Variants in LSM12 observed in about 807,000 individuals in gnomAD.
LSM12 encodes the protein LSM12 homolog.
For synonymous variants in LSM12, 74 were observed against 87.3 expected (o/e 0.85, Z 0.85); for missense variants, 108 against 238.9 (o/e 0.45, Z 3.61).
chr17:44,057,934 T>C (rs2049739865), intron 2 of LSM12, among the ~76,000 whole-genome samples: 1 of 121,068 alleles, frequency 8.3e-6, no homozygotes, highest in African/African-American at 2.8e-5. Flanking sequence ...GAGCATTAGT[T>C]AGCTACAATA....
chr17:44,049,278 T>A (rs1341566386), intron 2 of LSM12, among the ~76,000 whole-genome samples: 2 of 152,088 alleles, frequency 1.3e-5, no homozygotes, highest in East Asian at 3.8e-4. Context: ...TATTTTTGTT[T>A]GTTTGTTTTT....
intron 2 of LSM12, among the ~76,000 whole-genome samples, chr17:44,041,286 A>AC (rs1555623711): frequency 6.3e-4 from 72 of 113,550 alleles, no homozygotes; most frequent in Non-Finnish European, 1.1e-3. Context: ...AAAAAAAAAA[A>AC]ACAAACACAC....
intron 2 of LSM12, among the ~76,000 whole-genome samples, chr17:44,053,968 CTTGTT>C (rs2049678496): frequency 6.6e-6 from 1 of 152,138 alleles, no homozygotes; most frequent in South Asian, 2.1e-4. Context: ...CCCTAATGTC[CTTGTT>C]TTGAACTGTC....
In LSM12 at chr17:44,034,868, G is replaced by C. The variant is rs1208204140; in HGVS notation, c.*1340C>G. The C allele has an allele frequency of 2.5e-4, 19 of 74,954 alleles. No individual in the cohort carries two copies. The highest frequency in any genetic ancestry group is 3.9e-4 in the Non-Finnish European group (15 of 38,382). 4.6% of individuals were successfully genotyped at this position (74,954 alleles called of 1,614,324 possible). A position where few individuals can be genotyped will look rare whatever the true frequency, so the allele number is the denominator to read the frequency against. Reference sequence around the variant, plus strand: ...CATCCCACTCAGTGCCTGATATTCGGATGGTGGCATACTCTGCCCCAGGAG... The same window carrying C: ...CATCCCACTCAGTGCCTGATATTCGCATGGTGGCATACTCTGCCCCAGGAG... On this transcript the variant is annotated 3_prime_UTR_variant, in exon 5 of 5. Transcript: ENST00000293406.
intron 2 of LSM12, among the ~76,000 whole-genome samples, chr17:44,046,693 G>C (rs968849485): frequency 1.3e-4 from 17 of 127,414 alleles, no homozygotes; most frequent in East Asian, 5.6e-4. Flanking sequence ...CTGGGCAACA[G>C]AGCCAGACTC....
chr17:44,047,991 T>C (rs1326965086), intron 2 of LSM12, among the ~76,000 whole-genome samples: 1 of 149,346 alleles, frequency 6.7e-6, no homozygotes, highest in Non-Finnish European at 1.5e-5. Flanking sequence ...AAGACCAGTG[T>C]GGACAACATA....
Position 44,066,645 on chromosome 17 carries a change from C to T in LSM12, c.-58G>A. ...CGGCAGCAGCGGGCGAAAGCCGGGC[C>T]CCCAGTGAGCGCCGCGACGCGACGG... On this transcript the variant is annotated 5_prime_UTR_variant, in exon 1 of 5. Transcript: ENST00000293406. The T allele has an allele frequency of 3.1e-6, 4 of 1,282,370 alleles. No homozygotes were observed. Among genetic ancestry groups the T allele is most frequent in the Non-Finnish European group, 4.0e-6 (4 of 1,011,430 alleles). The allele number at this position is 1,282,370 out of a possible 1,614,324, so 79.4% of individuals were successfully genotyped here.
At chr17:44,067,462 G>A (rs1010545072), upstream of LSM12, 1 of 152,198 alleles carries the variant, frequency 6.6e-6, no homozygotes, top group Non-Finnish European at 1.5e-5. Flanking sequence ...TTTCTTCATA[G>A]GCATTTGTAT....
chr17:44,043,903 T>C (rs1461902201), intron 2 of LSM12, among the ~76,000 whole-genome samples: 1 of 152,042 alleles, frequency 6.6e-6, no homozygotes, highest in Non-Finnish European at 1.5e-5. Context: ...GGCGGGCATT[T>C]ACCTTATAAG....
At chr17:44,055,610 G>A (rs1204110359) in intron 2 of LSM12, among the ~76,000 whole-genome samples, 1 of 149,622 alleles carries the variant, frequency 6.7e-6, no homozygotes, top group Non-Finnish European at 1.5e-5. Flanking sequence ...ACAGGAGGTA[G>A]AGGTTGCAGT....
intron 2 of LSM12, among the ~76,000 whole-genome samples, chr17:44,049,279 G>GTT (rs1217400796): frequency 1.3e-5 from 2 of 152,072 alleles, no homozygotes; most frequent in African/African-American, 4.8e-5. Context: ...ATTTTTGTTT[G>GTT]TTTGTTTTTG....
chr17:44,039,210 A>C (rs962221775), intron 3 of LSM12, among the ~76,000 whole-genome samples: 1 of 151,664 alleles, frequency 6.6e-6, no homozygotes, highest in Non-Finnish European at 1.5e-5. Context: ...ATGCACCACC[A>C]CGCCTGGCTA....
At chr17:44,041,546 T>C (rs2049494931) in intron 2 of LSM12, among the ~76,000 whole-genome samples, 1 of 152,202 alleles carries the variant, frequency 6.6e-6, no homozygotes, top group Admixed American at 6.5e-5. Context: ...CCTTTAACTT[T>C]AGCTAAAGGC....
intron 2 of LSM12, among the ~76,000 whole-genome samples, chr17:44,041,646 C>T (rs2049496351): frequency 2.0e-5 from 3 of 152,152 alleles, no homozygotes; most frequent in Non-Finnish European, 4.4e-5. Context: ...CATCCACAAA[C>T]TGATCAAAAG....
intron 2 of LSM12, among the ~76,000 whole-genome samples, chr17:44,052,118 A>G (rs1163018209): frequency 6.6e-6 from 1 of 152,000 alleles, no homozygotes; most frequent in Non-Finnish European, 1.5e-5. Flanking sequence ...AAAAAATTTA[A>G]AAAGTTTAAA....
At chr17:44,036,417 GCA>G in intron 4 of LSM12, 117 bp from the exon 5 acceptor site, 1 of 1,354,468 alleles carries the variant, frequency 7.4e-7, no homozygotes, top group South Asian at 1.3e-5. Flanking sequence ...TGGTGTCCAG[GCA>G]CCTTTGCCCT....
chr17:44,047,832 C>G (rs1323600647), intron 2 of LSM12, among the ~76,000 whole-genome samples: 1 of 151,854 alleles, frequency 6.6e-6, no homozygotes, highest in East Asian at 1.9e-4. Flanking sequence ...ATCCTCCCAC[C>G]TCAGCCTCCC....
intron 2 of LSM12, among the ~76,000 whole-genome samples, chr17:44,042,238 G>A (rs1269291976): frequency 6.6e-6 from 1 of 151,822 alleles, no homozygotes; most frequent in Admixed American, 6.6e-5. Flanking sequence ...AGTGAGCCGA[G>A]ATTGTACCAC....
intron 2 of LSM12, among the ~76,000 whole-genome samples, chr17:44,060,369 T>C (rs1049301054): frequency 1.3e-5 from 2 of 152,150 alleles, no homozygotes; most frequent in Admixed American, 1.3e-4. Context: ...TCATGCAACA[T>C]GTTAATAGCT....
Sources: gnomAD v4.1 joint callset for allele counts (sites outside exome capture counted in the v4.1 genomes callset) on GRCh38, gnomAD v4.1.1 for gene constraint, MANE v1.5 for transcripts, NCBI Gene and HGNC (gene_info 2026-07-23, HGNC 2026-07-21) for gene names.